The following R3HDM1 variants were observed in gnomAD, a reference collection of about 807,000 sequenced individuals.
R3HDM1 encodes the protein R3H domain-containing protein 1.
R3HDM1 carries 46 observed loss-of-function variants against 141.1 expected under a neutral mutation model. The observed-to-expected ratio is 0.33, with a 90% CI of 0.26 to 0.42. The LOEUF (loss-of-function observed/expected upper bound fraction) is 0.42. Ranked by LOEUF, R3HDM1 falls within the 10% of genes least tolerant of loss-of-function variation. The pLI, the probability that R3HDM1 is intolerant of heterozygous loss-of-function variation, is 1.00. For synonymous variants in R3HDM1, 435 were observed against 472.9 expected (o/e 0.92, Z 1.04); for missense variants, 1,184 against 1,368.3 (o/e 0.87, Z 2.12).
chr2:135,688,450 G>T (rs983544941), intron 21 of R3HDM1, among the ~76,000 whole-genome samples: 2 of 152,090 alleles, frequency 1.3e-5, no homozygotes, highest in Admixed American at 6.5e-5. Context: ...ATAAGATGAT[G>T]AATGAGTTTA....
chr2:135,655,397 T>C (rs2065710162), intron 18 of R3HDM1, among the ~76,000 whole-genome samples: 1 of 152,218 alleles, frequency 6.6e-6, no homozygotes, highest in African/African-American at 2.4e-5. Flanking sequence ...TTGCCAGTAC[T>C]ACATTGTTTT....
rs75113635 is a variant in R3HDM1, at chr2:135,603,882, C to T, written c.-40-924C>T. Reference sequence around the variant, plus strand: ...TTGGCCTCCCAAAGTGCTGGGATTACAGTCGTGACCCACCGCAGCCGGCCA... The same window carrying T: ...TTGGCCTCCCAAAGTGCTGGGATTATAGTCGTGACCCACCGCAGCCGGCCA... On this transcript the variant is annotated intron_variant, in intron 2 of 26. Transcript: ENST00000683871. Among the ~76,000 whole-genome samples, 1,268 of 152,332 alleles carry T rather than the reference C, an allele frequency of 8.3e-3. 37 individuals carry two copies. Among genetic ancestry groups the T allele is most frequent in the Admixed American group, 0.061 (933 of 15,300 alleles).
At chr2:135,666,997 T>C (rs1236410608) in intron 19 of R3HDM1, 1 of 534,550 alleles carries the variant, frequency 1.9e-6, no homozygotes, top group African/African-American at 2.1e-5. Flanking sequence ...AATTAATAGG[T>C]ACTATTAAGT....
At chr2:135,643,753 C>CAT (rs2064064864) in intron 15 of R3HDM1, among the ~76,000 whole-genome samples, 1 of 152,102 alleles carries the variant, frequency 6.6e-6, no homozygotes, top group Non-Finnish European at 1.5e-5. Flanking sequence ...AAATGTGGTA[C>CAT]ATATACACCA....
chr2:135,545,526 G>A (rs1559094647), intron 1 of R3HDM1, among the ~76,000 whole-genome samples: 1 of 152,178 alleles, frequency 6.6e-6, no homozygotes. Context: ...TGGATGGAAG[G>A]AACAGAAAGT....
chr2:135,632,138 C>A, intron 9 of R3HDM1, 137 bp downstream of exon 9: 2 of 726,336 alleles, frequency 2.8e-6, no homozygotes, highest in Non-Finnish European at 3.9e-6. Flanking sequence ...TGTGATAGGA[C>A]TGAAAAACAC....
At chr2:135,612,945 A>G (rs894198256) in intron 3 of R3HDM1, among the ~76,000 whole-genome samples, 19 of 152,376 alleles carry the variant, frequency 1.2e-4, no homozygotes, top group Admixed American at 1.2e-3. Context: ...TTTCTAGTAC[A>G]TATAATTTCT....
At chr2:135,553,194 A>G (rs888364554) in intron 1 of R3HDM1, among the ~76,000 whole-genome samples, 5 of 152,088 alleles carry the variant, frequency 3.3e-5, no homozygotes, top group African/African-American at 4.8e-5. Context: ...CATCCATTCT[A>G]TGAATAGATT....
At chr2:135,577,728 C>T (rs1705790897) in intron 1 of R3HDM1, among the ~76,000 whole-genome samples, 1 of 150,828 alleles carries the variant, frequency 6.6e-6, no homozygotes, top group Non-Finnish European at 1.5e-5. Context: ...ATCCCAGCTA[C>T]TTGGGAGGCT....
At chr2:135,552,687 T>C (rs945644342) in intron 1 of R3HDM1, among the ~76,000 whole-genome samples, 6 of 152,174 alleles carry the variant, frequency 3.9e-5, no homozygotes, top group African/African-American at 1.2e-4. Context: ...GATAGAGATA[T>C]TGGTTCTTAA....
rs779688375 is a variant in R3HDM1, at chr2:135,710,134, C to T, written c.2639C>T (p.Ala880Val). 1.1e-5 allele frequency: 18 copies of T among 1,613,848 alleles called. No individual in the cohort carries two copies. The South Asian group carries it at 1.9e-4, about 17-fold the overall frequency. The stretch of plus-strand genomic sequence containing the variant: ...GTACCAAACAATCCACAATCTTGTG[C>T]CCACTCACCCCCGCAGTGGAAACAA... ...LSVPNNPQSC[A>V]HSPPQWKQNK... The change falls in exon 23 of 27, where the codon GCC becomes GTC. Residue 880 changes from alanine to valine, a missense_variant. Ala to Val is a moderately conservative substitution (Grantham distance 64, BLOSUM62 0). Around this residue, in one of 5 missense-constraint regions of R3HDM1, gnomAD observed 563 missense variants for 562.0 expected, o/e 1.00. Coordinates refer to ENST00000683871, the MANE Select transcript of R3HDM1 (RefSeq NM_001378107.1).
intron 1 of R3HDM1, among the ~76,000 whole-genome samples, chr2:135,547,475 T>C (rs1698938316): frequency 6.6e-6 from 1 of 151,186 alleles, no homozygotes; most frequent in Non-Finnish European, 1.5e-5. Flanking sequence ...TTTCTAATTG[T>C]CTTTTTTTTT....
intron 14 of R3HDM1, 180 bp downstream of exon 14, chr2:135,639,302 C>G (rs2105240928): frequency 1.7e-6 from 1 of 594,044 alleles, no homozygotes; most frequent in South Asian, 2.2e-5. Flanking sequence ...GATTCACTCT[C>G]TGTCCTGGAC....
chr2:135,721,616 C>T, intron 24 of R3HDM1: 1 of 193,364 alleles, frequency 5.2e-6, no homozygotes, highest in Non-Finnish European at 1.1e-5. Context: ...GAGACAGTCT[C>T]TCACTCCGTC....
intron 1 of R3HDM1, among the ~76,000 whole-genome samples, chr2:135,558,757 A>C (rs971489396): frequency 4.6e-5 from 7 of 152,162 alleles, no homozygotes; most frequent in African/African-American, 1.4e-4. Context: ...TTAGGGATGA[A>C]CATTTCAGTA....
intron 19 of R3HDM1, among the ~76,000 whole-genome samples, chr2:135,663,196 A>T (rs1316343704): frequency 2.6e-5 from 4 of 151,392 alleles, no homozygotes; most frequent in African/African-American, 9.7e-5. Context: ...GCCTGATTGG[A>T]GGTGAAAACA....
At chr2:135,644,459 C>T (rs113650676) in intron 15 of R3HDM1, among the ~76,000 whole-genome samples, 6,497 of 152,080 alleles carry the variant, frequency 0.043, 483 homozygotes, top group African/African-American at 0.15. Flanking sequence ...CAGCTGAGAT[C>T]GCACCACTGC....
At chr2:135,663,287 A>G (rs2066999304) in intron 19 of R3HDM1, among the ~76,000 whole-genome samples, 1 of 152,220 alleles carries the variant, frequency 6.6e-6, no homozygotes, top group Admixed American at 6.5e-5. Flanking sequence ...TATGATGAGA[A>G]GGAGGAAACA....
chr2:135,660,498 G>T (rs936517326), intron 18 of R3HDM1, among the ~76,000 whole-genome samples: 1 of 152,060 alleles, frequency 6.6e-6, no homozygotes, highest in Non-Finnish European at 1.5e-5. Context: ...GCATCATGTT[G>T]GTACTCAGAA....
Sources: allele counts gnomAD v4.1 joint callset (sites outside exome capture counted in the v4.1 genomes callset), GRCh38; gene constraint gnomAD v4.1.1; regional missense constraint gnomAD v4.1.1; transcripts MANE v1.5; gene names NCBI Gene and HGNC (gene_info 2026-07-23, HGNC 2026-07-21).